RHEB: variants seen among roughly 807,000 people sequenced by gnomAD.
RHEB encodes the protein Ras homolog, mTORC1 binding.
Under a neutral mutation model 28.8 loss-of-function variants are expected in RHEB, and 2 were observed. The observed-to-expected ratio is 0.07, with a 90% confidence interval of 0.03 to 0.22. The LOEUF is 0.22. RHEB is among the 10% of genes least tolerant of loss of function. The probability of loss-of-function intolerance (pLI) is 1.00; values close to 1 mark genes in which losing one functional copy is unlikely to be tolerated. For synonymous variants in RHEB, 69 were observed against 77.3 expected, an observed-to-expected ratio of 0.89 and a Z score of 0.56; for missense variants, 76 against 219.9, an observed-to-expected ratio of 0.35 and a Z score of 4.14.
Position 151,484,820 on chromosome 7 carries a change from A to G in RHEB, c.125-16T>C, listed in dbSNP as rs2150926466. 1 of 1,580,976 alleles carries G rather than the reference A, an allele frequency of 6.3e-7. No homozygotes were observed. Among genetic ancestry groups the G allele is most frequent in the Non-Finnish European group, 8.7e-7 (1 of 1,151,042 alleles). ...TTTGTAAAAGCTACAGGGAAAAAGG[A>G]AATTAAACATTAGTTTAAAAAAATT... On this transcript the variant is annotated splice_polypyrimidine_tract_variant and intron_variant, in intron 2 of 7. Transcript: ENST00000262187.
At chr7:151,492,082 C>T (rs1032463961) in intron 1 of RHEB, among the ~76,000 whole-genome samples, 1 of 152,166 alleles carries the variant, frequency 6.6e-6, no homozygotes, top group Non-Finnish European at 1.5e-5. Flanking sequence ...CAAACCCTTC[C>T]TTCTCTCTTG....
rs926069123 is a variant in RHEB at position 151,502,857 on chromosome 7, T to G, written c.53-11843A>C. 3 of 936,034 alleles carry G rather than the reference T, an allele frequency of 3.2e-6. No individual in the cohort carries two copies. In the Admixed American group the frequency reaches 5.1e-5, roughly 16 times the overall value. The allele number at this position is 936,034 out of a possible 1,614,324, so 58.0% of individuals were successfully genotyped here. On this transcript the variant is annotated intron_variant, in intron 1 of 7. Transcript: ENST00000262187. ...CTAGTTTTAGCTGGATCTGCTGACT[T>G]TGAACTAAGTCAATCTGATATGTTT...
intron 3 of RHEB, among the ~76,000 whole-genome samples, chr7:151,481,255 G>C (rs1056068619): frequency 6.6e-6 from 1 of 151,708 alleles, no homozygotes; most frequent in Admixed American, 6.6e-5. Context: ...ATTTAACCAT[G>C]TTCATCATCA....
intron 2 of RHEB, among the ~76,000 whole-genome samples, chr7:151,489,067 T>G (rs902913301): frequency 4.6e-5 from 7 of 152,154 alleles, no homozygotes; most frequent in African/African-American, 1.4e-4. Context: ...CAGCTGAGAC[T>G]ACAGGCACAC....
chr7:151,498,486 G>A (rs550760146), intron 1 of RHEB, among the ~76,000 whole-genome samples: 212 of 152,206 alleles, frequency 1.4e-3, no homozygotes, highest in Non-Finnish European at 2.7e-3. Context: ...AATTAGCAGG[G>A]TGTGGTAGTG....
At chr7:151,490,774 G>A (rs569516954) in intron 2 of RHEB, among the ~76,000 whole-genome samples, 169 bp downstream of exon 2, 2 of 152,292 alleles carry the variant, frequency 1.3e-5, no homozygotes, top group South Asian at 4.1e-4. Context: ...GACATGGAAG[G>A]AAAAATCTTT....
At chr7:151,495,759 T>C (rs1222136147) in intron 1 of RHEB, among the ~76,000 whole-genome samples, 2 of 152,186 alleles carry the variant, frequency 1.3e-5, no homozygotes, top group African/African-American at 4.8e-5. Flanking sequence ...GAGACCAGCC[T>C]GGACAACGTG....
intron 1 of RHEB, among the ~76,000 whole-genome samples, chr7:151,507,596 G>A (rs951125518): frequency 1.3e-5 from 2 of 151,914 alleles, no homozygotes; most frequent in African/African-American, 4.8e-5. Context: ...GAATTATCTC[G>A]CTTGTTCCTG....
chr7:151,513,921 G>C (rs1272130380), intron 1 of RHEB, among the ~76,000 whole-genome samples: 2 of 152,126 alleles, frequency 1.3e-5, no homozygotes, highest in African/African-American at 4.8e-5. Flanking sequence ...AATTCAATAT[G>C]GAAATGCAAG....
chr7:151,488,032 C>T (rs1802513065), intron 2 of RHEB, among the ~76,000 whole-genome samples: 1 of 152,194 alleles, frequency 6.6e-6, no homozygotes, highest in African/African-American at 2.4e-5. Context: ...TGCAACCTCC[C>T]AACTTTCTGG....
At chr7:151,509,827 T>G (rs1250177658) in intron 1 of RHEB, among the ~76,000 whole-genome samples, 2 of 152,236 alleles carry the variant, frequency 1.3e-5, no homozygotes, top group East Asian at 3.8e-4. Flanking sequence ...AATAAAGTTT[T>G]ACTAGCACAC....
intron 1 of RHEB, among the ~76,000 whole-genome samples, chr7:151,508,637 T>G (rs543795426): frequency 1.3e-4 from 19 of 151,634 alleles, no homozygotes; most frequent in Non-Finnish European, 2.5e-4. Context: ...ATTTTTAGTT[T>G]TTTTTTTTTT....
At chr7:151,487,195 T>C (rs1206836861) in intron 2 of RHEB, among the ~76,000 whole-genome samples, 4 of 152,174 alleles carry the variant, frequency 2.6e-5, no homozygotes, top group African/African-American at 9.7e-5. Flanking sequence ...CCTAGCTACT[T>C]GTGAGGCTGA....
At chr7:151,500,050 T>C (rs563440555) in intron 1 of RHEB, among the ~76,000 whole-genome samples, 1 of 152,188 alleles carries the variant, frequency 6.6e-6, no homozygotes. Flanking sequence ...GGTCCGCCCA[T>C]TCTGTCCTCC....
intron 3 of RHEB, among the ~76,000 whole-genome samples, chr7:151,478,257 A>G (rs1272549936): frequency 6.6e-6 from 1 of 152,178 alleles, no homozygotes; most frequent in Non-Finnish European, 1.5e-5. Context: ...CCTAAGCACT[A>G]TTATGGAAAA....
chr7:151,474,145 C>T (rs975761386), intron 4 of RHEB, among the ~76,000 whole-genome samples: 1 of 151,568 alleles, frequency 6.6e-6, no homozygotes, highest in African/African-American at 2.4e-5. Flanking sequence ...ATTGACATCA[C>T]CTTTCCGATT....
chr7:151,503,544 T>C, intron 1 of RHEB: 1 of 627,556 alleles, frequency 1.6e-6, no homozygotes, highest in South Asian at 1.8e-5. Context: ...AACAGATCCC[T>C]GCCTTACAAC....
chr7:151,471,446 T>G lies in RHEB; in HGVS notation c.333-5A>C. 6.3e-7 allele frequency: 1 copy of G among 1,581,350 alleles called. No individual in the cohort carries two copies. Among genetic ancestry groups the G allele is most frequent in the Non-Finnish European group, 8.7e-7 (1 of 1,152,970 alleles). On this transcript the variant is annotated splice_region_variant and splice_polypyrimidine_tract_variant and intron_variant, in intron 5 of 7. Transcript: ENST00000262187. ...CCAACCAACATAATAGGTATTCTAT[T>G]TGTAAGAAAAAAAAGACAAACCAGT... is the stretch of plus-strand genomic sequence containing the variant.
At chr7:151,504,867 C>CAA (rs554648802) in intron 1 of RHEB, among the ~76,000 whole-genome samples, 1 of 138,644 alleles carries the variant, frequency 7.2e-6, no homozygotes, top group African/African-American at 2.6e-5. Flanking sequence ...AATGCTACCT[C>CAA]AAAAAAAAAA....
Sources: allele counts gnomAD v4.1 joint callset (sites outside exome capture counted in the v4.1 genomes callset), GRCh38; gene constraint gnomAD v4.1.1; transcripts MANE v1.5; gene names NCBI Gene and HGNC (gene_info 2026-07-23, HGNC 2026-07-21).